GPC5: variants seen among roughly 807,000 people sequenced by gnomAD.
The protein encoded by GPC5 is glypican 5, also known as glypican-5.
A neutral mutation model predicts 53.9 loss-of-function variants in GPC5; 47 were observed. The observed-to-expected ratio is 0.87, with a 90% CI of 0.69 to 1.11. GPC5 has a LOEUF of 1.11. Ranked by LOEUF, GPC5 falls within the 50% of genes most tolerant of loss-of-function variation. GPC5 has a pLI of 0.00. For missense variants in GPC5, 748 were observed against 713.1 expected (o/e 1.05, Z -0.56); for synonymous variants, 286 against 263.3 (o/e 1.09, Z -0.84).
At chr13:92,814,174 A>C (rs1270006147) in intron 7 of GPC5, among the ~76,000 whole-genome samples, 2 of 152,000 alleles carry the variant, frequency 1.3e-5, no homozygotes, top group African/African-American at 2.4e-5. Context: ...GTATAGATAT[A>C]AACTTTAATC....
At chr13:92,146,761 T>C (rs1169113059) in intron 7 of GPC5, among the ~76,000 whole-genome samples, 1 of 152,098 alleles carries the variant, frequency 6.6e-6, no homozygotes, top group Non-Finnish European at 1.5e-5. Context: ...AAATACAATG[T>C]TTGGTTTCCT....
intron 3 of GPC5, among the ~76,000 whole-genome samples, chr13:91,698,784 C>T (rs1029558912): frequency 2.0e-5 from 3 of 152,066 alleles, no homozygotes; most frequent in African/African-American, 7.2e-5. Context: ...ATTTGCTTAG[C>T]GTCAGTCAGT....
intron 1 of GPC5, among the ~76,000 whole-genome samples, chr13:91,419,021 G>T (rs551940930): frequency 2.0e-5 from 3 of 151,858 alleles, no homozygotes; most frequent in Non-Finnish European, 4.4e-5. Flanking sequence ...TAATTATATC[G>T]TGTGTTTTGT....
At chr13:92,770,937 T>A (rs1264186176) in intron 7 of GPC5, among the ~76,000 whole-genome samples, 1 of 152,154 alleles carries the variant, frequency 6.6e-6, no homozygotes, top group Admixed American at 6.5e-5. Context: ...CTCCTCATTA[T>A]TTATGGTAGA....
intron 2 of GPC5, among the ~76,000 whole-genome samples, chr13:91,513,223 C>A (rs1471681971): frequency 6.6e-6 from 1 of 152,136 alleles, no homozygotes; most frequent in East Asian, 1.9e-4. Flanking sequence ...ATGGAGATTC[C>A]ATGTACACTT....
intron 5 of GPC5, among the ~76,000 whole-genome samples, chr13:91,793,848 G>C (rs2038006431): frequency 6.6e-6 from 1 of 152,060 alleles, no homozygotes; most frequent in South Asian, 2.1e-4. Context: ...ACTATCATGA[G>C]ACCAGTATGG....
chr13:92,465,102 GA>G (rs919992430), intron 7 of GPC5, among the ~76,000 whole-genome samples: 1 of 151,846 alleles, frequency 6.6e-6, no homozygotes, highest in African/African-American at 2.4e-5. Context: ...CCAAAAAGTA[GA>G]AAAAGGATCA....
chr13:91,565,877 T>G (rs2031503024), intron 2 of GPC5, among the ~76,000 whole-genome samples: 1 of 152,182 alleles, frequency 6.6e-6, no homozygotes, highest in African/African-American at 2.4e-5. Flanking sequence ...GATGACTCTA[T>G]TCCATGTTTC....
intron 7 of GPC5, among the ~76,000 whole-genome samples, chr13:92,661,943 G>T (rs543139930): frequency 6.6e-6 from 1 of 152,174 alleles, no homozygotes; most frequent in East Asian, 1.9e-4. Context: ...AATAACCTCT[G>T]TTTTAAAGGT....
intron 2 of GPC5, among the ~76,000 whole-genome samples, chr13:91,516,029 A>G (rs1333219563): frequency 2.0e-5 from 3 of 152,082 alleles, no homozygotes; most frequent in Non-Finnish European, 2.9e-5. Flanking sequence ...CTGGCCCCCC[A>G]TGATTCAATA....
intron 2 of GPC5, among the ~76,000 whole-genome samples, chr13:91,495,465 A>G (rs1315089088): frequency 6.6e-6 from 1 of 152,136 alleles, no homozygotes; most frequent in Non-Finnish European, 1.5e-5. Context: ...CCTATACTCA[A>G]TTTGACATCT....
chr13:91,524,489 A>T (rs1056109076), intron 2 of GPC5, among the ~76,000 whole-genome samples: 6 of 152,142 alleles, frequency 3.9e-5, no homozygotes, highest in Non-Finnish European at 7.4e-5. Context: ...CTACTACCAG[A>T]CTACTAGCAA....
chr13:92,419,072 A>G (rs1876443822), intron 7 of GPC5, among the ~76,000 whole-genome samples: 1 of 152,156 alleles, frequency 6.6e-6, no homozygotes, highest in Admixed American at 6.5e-5. Context: ...AATAAAATGA[A>G]CTGTCAATTT....
chr13:92,219,886 A>T (rs2042436695), intron 7 of GPC5, among the ~76,000 whole-genome samples: 1 of 152,090 alleles, frequency 6.6e-6, no homozygotes, highest in South Asian at 2.1e-4. Flanking sequence ...ATCTGTAATC[A>T]GGCTCCTTAA....
intron 6 of GPC5, among the ~76,000 whole-genome samples, chr13:92,108,297 A>C (rs1378265946): frequency 6.6e-6 from 1 of 152,232 alleles, no homozygotes; most frequent in African/African-American, 2.4e-5. Flanking sequence ...TAGAGGACTT[A>C]TGATTTTCTA....
chr13:92,056,995 A>C (rs2138846886), intron 6 of GPC5, among the ~76,000 whole-genome samples: 1 of 152,290 alleles, frequency 6.6e-6, no homozygotes, highest in South Asian at 2.1e-4. Context: ...TAATTGATTA[A>C]AAATTGACCA....
At chr13:92,679,312 A>G (rs1013052764) in intron 7 of GPC5, among the ~76,000 whole-genome samples, 4 of 152,260 alleles carry the variant, frequency 2.6e-5, no homozygotes, top group African/African-American at 9.6e-5. Flanking sequence ...GTCTGACCTC[A>G]GTAGGATGCT....
At chr13:92,467,626 A>G (rs1053028129) in intron 7 of GPC5, among the ~76,000 whole-genome samples, 1 of 152,232 alleles carries the variant, frequency 6.6e-6, no homozygotes, top group Non-Finnish European at 1.5e-5. Context: ...ACTGAATCAC[A>G]TAGAGGTAAA....
At chr13:91,665,566 C>T (rs2035091843) in intron 2 of GPC5, among the ~76,000 whole-genome samples, 1 of 150,270 alleles carries the variant, frequency 6.7e-6, no homozygotes, top group Admixed American at 6.6e-5. Context: ...CCAGTGGCGC[C>T]ATCTCGGCTC....
Sources: gnomAD v4.1 joint callset for allele counts (sites outside exome capture counted in the v4.1 genomes callset) on GRCh38, gnomAD v4.1.1 for gene constraint, MANE v1.5 for transcripts, NCBI Gene and HGNC (gene_info 2026-07-23, HGNC 2026-07-21) for gene names.